Variants in SNX29 observed in about 807,000 individuals in gnomAD.
The protein encoded by SNX29 is sorting nexin 29.
SNX29 carries 78 observed loss-of-function variants against 102.1 expected under a neutral mutation model. The ratio of observed to expected loss-of-function variants is 0.76; its 90% CI spans 0.64 to 0.92. The LOEUF (loss-of-function observed/expected upper bound fraction) is 0.92, where lower values mean the gene tolerates loss of function less well. Among genes scored for constraint, SNX29 ranks in the 40% least tolerant of loss-of-function variants. SNX29 has a pLI of 0.00. For missense variants in SNX29, 1,280 were observed against 1,061.7 expected (o/e 1.21, Z -2.86); for synonymous variants, 580 against 414.5 (o/e 1.40, Z -4.85).
At chr16:12,422,724 C>A (rs920530793) in intron 18 of SNX29, among the ~76,000 whole-genome samples, 2 of 151,778 alleles carry the variant, frequency 1.3e-5, no homozygotes, top group Admixed American at 6.6e-5. Context: ...ACTACACTTT[C>A]ACACACCTCT....
chr16:12,551,354 C>A (rs2077965037), intron 20 of SNX29, among the ~76,000 whole-genome samples: 1 of 152,190 alleles, frequency 6.6e-6, no homozygotes, highest in African/African-American at 2.4e-5. Flanking sequence ...CTTTTGGGGG[C>A]TAGTCTTTCC....
intron 20 of SNX29, among the ~76,000 whole-genome samples, chr16:12,536,622 C>T (rs183385292): frequency 1.6e-3 from 237 of 152,308 alleles, no homozygotes; most frequent in African/African-American, 5.4e-3. Flanking sequence ...GCTGTGGCTG[C>T]AGCAGGGGTG....
At chr16:12,353,131 A>T (rs528242701) in intron 15 of SNX29, among the ~76,000 whole-genome samples, 19 of 152,214 alleles carry the variant, frequency 1.2e-4, no homozygotes, top group Admixed American at 7.8e-4. Flanking sequence ...CCAAATGTCA[A>T]AGGATGTGAA....
chr16:12,204,078 G>A (rs561054401), intron 14 of SNX29, among the ~76,000 whole-genome samples: 46 of 152,302 alleles, frequency 3.0e-4, no homozygotes, highest in Non-Finnish European at 3.5e-4. Flanking sequence ...GGGAGACTGG[G>A]GCCGCTGTAG....
At chr16:12,438,837 G>T (rs888214718) in intron 18 of SNX29, among the ~76,000 whole-genome samples, 12 of 152,314 alleles carry the variant, frequency 7.9e-5, no homozygotes, top group Non-Finnish European at 1.6e-4. Context: ...CTCAGGGAAG[G>T]TTCTGGGCTG....
chr16:12,317,959 T>C (rs1001641244), intron 15 of SNX29, among the ~76,000 whole-genome samples: 1 of 152,180 alleles, frequency 6.6e-6, no homozygotes, highest in East Asian at 1.9e-4. Flanking sequence ...GGAAACACGC[T>C]TAGTTTGGAT....
intron 14 of SNX29, among the ~76,000 whole-genome samples, chr16:12,239,939 G>A (rs2078051330): frequency 6.6e-6 from 1 of 151,908 alleles, no homozygotes; most frequent in Non-Finnish European, 1.5e-5. Flanking sequence ...CACTATTGAA[G>A]AGATTTGAAG....
intron 20 of SNX29, among the ~76,000 whole-genome samples, chr16:12,534,234 C>G (rs1274383933): frequency 6.6e-6 from 1 of 152,218 alleles, no homozygotes; most frequent in African/African-American, 2.4e-5. Context: ...AATCGTCGGG[C>G]TAGAGATGTC....
At chr16:12,122,431 G>A (rs1016508551) in intron 11 of SNX29, among the ~76,000 whole-genome samples, 3 of 152,006 alleles carry the variant, frequency 2.0e-5, no homozygotes, top group Non-Finnish European at 2.9e-5. Flanking sequence ...GCAGGCCCAC[G>A]GACTCCCACG....
chr16:12,331,614 C>T (rs140352730), intron 15 of SNX29, among the ~76,000 whole-genome samples: 5,908 of 152,114 alleles, frequency 0.039, 182 homozygotes, highest in Non-Finnish European at 0.053. Flanking sequence ...GCAGTGGCAG[C>T]GATCTTGGCT....
At chr16:12,492,190 T>C (rs1391149896) in intron 19 of SNX29, among the ~76,000 whole-genome samples, 1 of 152,232 alleles carries the variant, frequency 6.6e-6, no homozygotes, top group Non-Finnish European at 1.5e-5. Context: ...CGCCAGCACC[T>C]GTTGTTTCCT....
chr16:12,443,938 C>G (rs1308363579), intron 18 of SNX29, among the ~76,000 whole-genome samples: 2 of 152,170 alleles, frequency 1.3e-5, no homozygotes, highest in African/African-American at 4.8e-5. Context: ...GTAATAAGCA[C>G]TCAGTATAGC....
At chr16:12,403,364 T>C (rs1024835703) in intron 17 of SNX29, 84 bp from the exon 18 acceptor site, 1 of 1,363,480 alleles carries the variant, frequency 7.3e-7, no homozygotes. Context: ...GAGTAGAAAA[T>C]TGTCTCCTTT....
chr16:12,286,578 C>T (rs1354765713), intron 15 of SNX29, among the ~76,000 whole-genome samples: 2 of 152,050 alleles, frequency 1.3e-5, no homozygotes, highest in Admixed American at 6.5e-5. Context: ...ATCTCCTCAC[C>T]TCATGATCCA....
At position 12,573,048 on chromosome 16, in the gene SNX29, GT is replaced by G. The variant is rs1198453178; in HGVS notation, c.*4421del. 1 of 236,970 alleles carries G rather than the reference GT, an allele frequency of 4.2e-6. No homozygotes were observed. Among genetic ancestry groups the G allele is most frequent in the African/African-American group, 2.2e-5 (1 of 45,270 alleles). 14.7% of individuals were successfully genotyped at this position (236,970 alleles called of 1,614,324 possible). A position where few individuals can be genotyped will look rare whatever the true frequency, so the allele number is the denominator to read the frequency against. On this transcript the variant is annotated 3_prime_UTR_variant, in exon 21 of 21. Coordinates refer to ENST00000566228, the MANE Select transcript of SNX29 (RefSeq NM_032167.5). Reference sequence around the variant, plus strand: ...GATTGGCGTCCGTGCTAATTCTGCAGTTGTAGCACTGTATATTTTATCTCAT... The same window carrying G: ...GATTGGCGTCCGTGCTAATTCTGCAGTGTAGCACTGTATATTTTATCTCAT...
At chr16:12,461,994 T>A (rs2086812232) in intron 18 of SNX29, among the ~76,000 whole-genome samples, 3 of 64,462 alleles carry the variant, frequency 4.7e-5, no homozygotes, top group African/African-American at 2.5e-4. Context: ...TATATATATA[T>A]ATATATATAT....
chr16:12,557,944 C>G (rs185747424), intron 20 of SNX29, among the ~76,000 whole-genome samples: 1 of 152,088 alleles, frequency 6.6e-6, no homozygotes, highest in African/African-American at 2.4e-5. Flanking sequence ...TTTCATTCAC[C>G]GCTTGCCCTG....
At chr16:12,535,755 CTG>C (rs1468201040) in intron 20 of SNX29, among the ~76,000 whole-genome samples, 3 of 151,918 alleles carry the variant, frequency 2.0e-5, no homozygotes, top group Non-Finnish European at 2.9e-5. Context: ...TCTTCCACCA[CTG>C]TGTGTCTCCT....
intron 19 of SNX29, among the ~76,000 whole-genome samples, chr16:12,491,860 C>T (rs1302694841): frequency 6.6e-6 from 1 of 152,186 alleles, no homozygotes; most frequent in Non-Finnish European, 1.5e-5. Flanking sequence ...GACACGAACT[C>T]ATCATTTTTT....
Sources: gnomAD v4.1 joint callset for allele counts (sites outside exome capture counted in the v4.1 genomes callset) on GRCh38, gnomAD v4.1.1 for gene constraint, MANE v1.5 for transcripts, NCBI Gene and HGNC (gene_info 2026-07-23, HGNC 2026-07-21) for gene names.